SLC17A2: variants seen among roughly 807,000 people sequenced by gnomAD.
SLC17A2 encodes the protein solute carrier family 17 member 2, also known as sodium-dependent phosphate transport protein 3.
SLC17A2 carries 38 observed loss-of-function variants against 52.1 expected under a neutral mutation model. That is an observed-to-expected ratio of 0.73 (90% CI 0.56 to 0.96). The LOEUF (loss-of-function observed/expected upper bound fraction) is 0.96, where lower values mean the gene tolerates loss of function less well. Among genes scored for constraint, SLC17A2 ranks in the 40% least tolerant of loss-of-function variants. The pLI, the probability that SLC17A2 is intolerant of heterozygous loss-of-function variation, is 0.00. For synonymous variants in SLC17A2, 226 were observed against 211.9 expected, an observed-to-expected ratio of 1.07 and a Z score of -0.58; for missense variants, 508 against 583.9, an observed-to-expected ratio of 0.87 and a Z score of 1.34.
chr6:25,923,020 C>G (rs776374535), intron 3 of SLC17A2, among the ~76,000 whole-genome samples: 1 of 152,036 alleles, frequency 6.6e-6, no homozygotes, highest in Non-Finnish European at 1.5e-5. Flanking sequence ...AACCCTGTCT[C>G]TACTAAAAAT....
intron 1 of SLC17A2, among the ~76,000 whole-genome samples, chr6:25,926,856 C>G (rs1344193767): frequency 2.0e-5 from 3 of 152,268 alleles, no homozygotes; most frequent in East Asian, 1.9e-4. Context: ...CACTTGAGGT[C>G]AGGTGTTCGA....
intron 6 of SLC17A2, 64 bp downstream of exon 6, chr6:25,918,423 G>C: frequency 1.0e-6 from 1 of 976,422 alleles, no homozygotes; most frequent in Non-Finnish European, 1.7e-6. Context: ...AATGTGGGTG[G>C]TGTAGGTGCC....
rs148258652 is a variant in SLC17A2, at chr6:25,920,999, C to A, written c.562+7G>T. Reference sequence around the variant, plus strand: ...GACAAAGCTATGACCCATCTGTGCACACTTACCTGATCCTGCAATGGTGGT... The same window carrying A: ...GACAAAGCTATGACCCATCTGTGCAAACTTACCTGATCCTGCAATGGTGGT... On this transcript the variant is annotated splice_region_variant and intron_variant, in intron 5 of 11. Transcript: ENST00000377850. 5 of 1,613,844 alleles carry A rather than the reference C, an allele frequency of 3.1e-6. No individual in the cohort carries two copies. In the East Asian group the frequency reaches 1.1e-4, roughly 36 times the overall value.
chr6:25,920,997 C>T lies in SLC17A2; in HGVS notation c.562+9G>A. The T allele has an allele frequency of 6.2e-7, 1 of 1,613,402 alleles. No homozygotes were observed. The highest frequency in any genetic ancestry group is 8.5e-7 in the Non-Finnish European group (1 of 1,179,336). On this transcript the variant is annotated intron_variant, in intron 5 of 11. Coordinates refer to ENST00000377850, the MANE Select transcript of SLC17A2 (RefSeq NM_001286123.3). ...ATGACAAAGCTATGACCCATCTGTG[C>T]ACACTTACCTGATCCTGCAATGGTG... is the stretch of plus-strand genomic sequence containing the variant.
intron 5 of SLC17A2, among the ~76,000 whole-genome samples, 173 bp from the exon 6 acceptor site, chr6:25,918,746 T>C (rs913438656): frequency 1.3e-5 from 2 of 152,210 alleles, no homozygotes; most frequent in African/African-American, 2.4e-5. Context: ...ATGATATAAT[T>C]AAAATTAACA....
In SLC17A2 at chr6:25,913,211, C is replaced by A; in HGVS notation, c.*106G>T. On this transcript the variant is annotated 3_prime_UTR_variant, in exon 12 of 12. Transcript: ENST00000377850. ...CTCCCCAGGGAAGACTAACACACAG[C>A]CAGAGTTAAGAACTGCTGAGTCTAT... The A allele has an allele frequency of 8.2e-7, 1 of 1,225,088 alleles. No homozygotes were observed. The highest frequency in any genetic ancestry group is 1.2e-6 in the Non-Finnish European group (1 of 838,044). The allele number at this position is 1,225,088 out of a possible 1,614,324, so 75.9% of individuals were successfully genotyped here.
In SLC17A2 at chr6:25,921,349, T is replaced by G; in HGVS notation, c.304A>C (p.Ile102Leu). The G allele has an allele frequency of 6.2e-7, 1 of 1,614,152 alleles. No individual in the cohort carries two copies. Among genetic ancestry groups the G allele is most frequent in the Non-Finnish European group, 8.5e-7 (1 of 1,180,020 alleles). Residue 102 changes from isoleucine (I) to leucine (L), a missense_variant, in exon 4 of 12, where the codon ATA becomes CTA. Transcript: ENST00000377850. ...CCACTTGGGATCAGAGTCAGTATTA[T>G]CCCATAGTTGATGGAGCTAAAGATG... ...GIIFSSINYG[I>L]ILTLIPSGYL...
Position 25,919,699 on chromosome 6 carries a change from C to CAAAAAAAAAAAAAAAAAAAAAAAAAAA in SLC17A2, c.563-1153_563-1127dup, listed in dbSNP as rs766352177. Among the ~76,000 whole-genome samples, 10 of 31,152 alleles carry CAAAAAAAAAAAAAAAAAAAAAAAAAAA rather than the reference C, an allele frequency of 3.2e-4. 3 individuals carry two copies. Among genetic ancestry groups the CAAAAAAAAAAAAAAAAAAAAAAAAAAA allele is most frequent in the Non-Finnish European group, 5.0e-4 (8 of 16,098 alleles). 20.4% of individuals were successfully genotyped at this position (31,152 alleles called of 152,430 possible). ...TGGGCGAAAGAGTGAGACACCGTCT[C>CAAAAAAAAAAAAAAAAAAAAAAAAAAA]AAAAAAAAAAAAAAAAAAAAAAAAA... is the stretch of plus-strand genomic sequence containing the variant. On this transcript the variant is annotated intron_variant, in intron 5 of 11. Coordinates refer to ENST00000377850, the MANE Select transcript of SLC17A2 (RefSeq NM_001286123.3).
At chr6:25,930,098 G>A (rs3884392) in intron 1 of SLC17A2, among the ~76,000 whole-genome samples, 179 bp downstream of exon 1, 2 of 152,116 alleles carry the variant, frequency 1.3e-5, no homozygotes, top group African/African-American at 4.8e-5. Flanking sequence ...GATTACAGGC[G>A]TGAGCCACCA....
At chr6:25,919,147 C>G (rs1304170902) in intron 5 of SLC17A2, among the ~76,000 whole-genome samples, 1 of 152,104 alleles carries the variant, frequency 6.6e-6, no homozygotes, top group East Asian at 1.9e-4. Context: ...TATGCATAAA[C>G]ACTTGTACAT....
intron 3 of SLC17A2, 38 bp from the exon 4 acceptor site, chr6:25,921,450 C>T: frequency 6.8e-7 from 1 of 1,460,170 alleles, no homozygotes; most frequent in Non-Finnish European, 9.5e-7. Context: ...TCAAGAAGTC[C>T]TATTATGAAA....
In SLC17A2 at chr6:25,921,198, G is replaced by A. The variant is rs761776042; in HGVS notation, c.455C>T (p.Thr152Ile). Residue 152 changes from threonine to isoleucine, a missense_variant, in exon 4 of 12, where the codon ACA becomes ATA. Physicochemically the swap from Thr to Ile is moderately conservative, Grantham distance 89. Transcript: ENST00000377850. ...FGVILVIMVRTVQGMAQGMAW... is the reference protein window; with the variant it reads ...FGVILVIMVRIVQGMAQGMAW... ...GGATACCTGGGCCATGCCCTGGACTGTCCGAACCATGATGACCAAAATCAC... is the reference window on the plus strand; with the variant it reads ...GGATACCTGGGCCATGCCCTGGACTATCCGAACCATGATGACCAAAATCAC... 1 of 1,613,996 alleles carries A rather than the reference G, an allele frequency of 6.2e-7. No homozygotes were observed. Among genetic ancestry groups the A allele is most frequent in the African/African-American group, 1.3e-5 (1 of 74,896 alleles).
intron 1 of SLC17A2, among the ~76,000 whole-genome samples, chr6:25,927,964 C>T (rs1263942889): frequency 6.6e-6 from 1 of 152,146 alleles, no homozygotes; most frequent in Non-Finnish European, 1.5e-5. Flanking sequence ...TATGCAAGAT[C>T]CCGTGGCTTG....
At chr6:25,913,505 G>C (rs1766181752) in intron 11 of SLC17A2, 54 bp from the exon 12 acceptor site, 1 of 1,551,956 alleles carries the variant, frequency 6.4e-7, no homozygotes, top group Non-Finnish European at 8.8e-7. Context: ...TTCTACACCA[G>C]TTCTAGTAGC....
chr6:25,913,551 A>G, intron 11 of SLC17A2, 100 bp from the exon 12 acceptor site: 1 of 1,170,532 alleles, frequency 8.5e-7, no homozygotes, highest in Non-Finnish European at 1.2e-6. Flanking sequence ...GATCACAAGG[A>G]ATATAAGGAA....
chr6:25,923,837 G>A lies in SLC17A2; in HGVS notation c.98C>T (p.Thr33Met), dbSNP rs200863875. Reference sequence around the variant, plus strand: ...CGCAATGCTCAGACTCACACGCTGCGTTATCATGGTGAAGTTTGAGAAGTG... The same window carrying A: ...CGCAATGCTCAGACTCACACGCTGCATTATCATGGTGAAGTTTGAGAAGTG... ...IMHFSNFTMITQRVSLSIAII... is the reference protein window; with the variant it reads ...IMHFSNFTMIMQRVSLSIAII... The change falls in exon 3 of 12, where the codon ACG becomes ATG. Residue 33 changes from threonine to methionine, a missense_variant. By Grantham distance (81) the Thr-to-Met change is moderately conservative. Coordinates refer to ENST00000377850, the MANE Select transcript of SLC17A2 (RefSeq NM_001286123.3). The A allele has an allele frequency of 3.5e-5, 56 of 1,614,058 alleles. No individual in the cohort carries two copies. The highest frequency in any genetic ancestry group is 4.2e-5 in the Non-Finnish European group (49 of 1,180,044).
At chr6:25,916,945 A>C in intron 7 of SLC17A2, 24 bp downstream of exon 7, 1 of 1,604,622 alleles carries the variant, frequency 6.2e-7, no homozygotes. Context: ...TGCATGGGCC[A>C]CAGGTACAAG....
intron 1 of SLC17A2, among the ~76,000 whole-genome samples, chr6:25,928,079 A>G (rs182807991): frequency 1.6e-3 from 238 of 152,312 alleles, no homozygotes; most frequent in African/African-American, 4.2e-3. Flanking sequence ...AAGCTGAAAG[A>G]GACTCAGAGA....
At chr6:25,925,919 A>AT in intron 1 of SLC17A2, 40 bp from the exon 2 acceptor site, 1 of 1,053,006 alleles carries the variant, frequency 9.5e-7, no homozygotes, top group Non-Finnish European at 1.5e-6. Context: ...TACACAAATA[A>AT]TTTCCCCTTG....
Sources: gnomAD v4.1 joint callset for allele counts (sites outside exome capture counted in the v4.1 genomes callset) on GRCh38, gnomAD v4.1.1 for gene constraint, MANE v1.5 for transcripts, NCBI Gene and HGNC (gene_info 2026-07-23, HGNC 2026-07-21) for gene names.